HIVEP1: variants seen among roughly 807,000 people sequenced by gnomAD.
The protein encoded by HIVEP1 is HIVEP zinc finger 1.
Under a neutral mutation model 180.0 loss-of-function variants are expected in HIVEP1, and 36 were observed. The observed-to-expected ratio is 0.20, with a 90% CI of 0.15 to 0.26. The LOEUF is 0.26. HIVEP1 is among the 10% of genes least tolerant of loss of function. HIVEP1 has a pLI of 1.00. For missense variants in HIVEP1, 3,143 were observed against 3,268.7 expected (o/e 0.96, Z 0.94); for synonymous variants, 1,239 against 1,239.0 (o/e 1.00, Z 0.00).
chr6:12,046,319 T>A (rs554396297), intron 2 of HIVEP1, among the ~76,000 whole-genome samples: 1 of 152,376 alleles, frequency 6.6e-6, no homozygotes, highest in South Asian at 2.1e-4. Flanking sequence ...ACTGCATTTC[T>A]GGACCTGTTC....
At chr6:12,076,976 G>A (rs572416020) in intron 2 of HIVEP1, among the ~76,000 whole-genome samples, 7 of 152,212 alleles carry the variant, frequency 4.6e-5, no homozygotes, top group South Asian at 2.1e-4. Flanking sequence ...TAAGTTTTCC[G>A]TAGAGGTGGA....
chr6:12,138,117 A>G (rs1758804904), intron 7 of HIVEP1, among the ~76,000 whole-genome samples: 2 of 152,174 alleles, frequency 1.3e-5, no homozygotes, highest in African/African-American at 4.8e-5. Context: ...TTCAACGTAC[A>G]TGTATATATC....
intron 2 of HIVEP1, among the ~76,000 whole-genome samples, chr6:12,027,912 T>G (rs1013955296): frequency 6.6e-6 from 1 of 152,228 alleles, no homozygotes; most frequent in Non-Finnish European, 1.5e-5. Flanking sequence ...TTTGGGGTAG[T>G]GGGATGAGAG....
chr6:12,199,522 C>T, the HIVEP1 span, among the ~76,000 whole-genome samples: 10,772 of 151,976 alleles, frequency 0.071, 441 homozygotes, highest in Middle Eastern at 0.13. Flanking sequence ...CCACCATGCC[C>T]GGCTAATTTT....
intron 2 of HIVEP1, among the ~76,000 whole-genome samples, chr6:12,077,848 T>C (rs1356293937): frequency 6.6e-6 from 1 of 152,238 alleles, no homozygotes; most frequent in Admixed American, 6.5e-5. Flanking sequence ...GTTTCTTTTC[T>C]GCTACTCCCA....
At position 12,124,164 on chromosome 6, in the gene HIVEP1, C is replaced by T. The variant is rs768364031; in HGVS notation, c.4369C>T (p.Pro1457Ser). The T allele has an allele frequency of 6.2e-7, 1 of 1,614,016 alleles. No individual in the cohort carries two copies. The highest frequency in any genetic ancestry group is 8.5e-7 in the Non-Finnish European group (1 of 1,179,918). Reference protein sequence around the residue: ...HPTSFQNTALPSVNAVPYQGP... With the variant: ...HPTSFQNTALSSVNAVPYQGP... ...AACATCTTTCCAAAATACTGCTCTT[C>T]CCAGTGTGAATGCAGTGCCATATCA... Residue 1457 changes from proline to serine, a missense_variant, in exon 4 of 9, where the codon CCC becomes TCC. By Grantham distance (74) the Pro-to-Ser change is moderately conservative (BLOSUM62 -1). Transcript: ENST00000379388.
chr6:12,145,541 C>T (rs1312561107), intron 7 of HIVEP1, among the ~76,000 whole-genome samples: 1 of 150,972 alleles, frequency 6.6e-6, no homozygotes, highest in East Asian at 1.9e-4. Context: ...AAAGAACGCC[C>T]TCTACCAGAT....
At chr6:12,089,659 G>A (rs558803065) in intron 3 of HIVEP1, among the ~76,000 whole-genome samples, 24 of 151,908 alleles carry the variant, frequency 1.6e-4, no homozygotes, top group African/African-American at 5.6e-4. Flanking sequence ...CTGAATACCA[G>A]TCAGTGGAAG....
intron 2 of HIVEP1, chr6:12,039,048 A>G (rs978097534): frequency 3.3e-5 from 5 of 152,134 alleles, no homozygotes; most frequent in Non-Finnish European, 7.4e-5. Context: ...TGAACTAGCT[A>G]TGTCCTTAGC....
the HIVEP1 span, among the ~76,000 whole-genome samples, chr6:12,207,907 A>AAAG: frequency 3.9e-4 from 49 of 125,794 alleles, 1 homozygote; most frequent in Non-Finnish European, 6.0e-4. Context: ...CTGTCTCAAA[A>AAAG]AAAAAAAAAA....
intron 7 of HIVEP1, among the ~76,000 whole-genome samples, chr6:12,145,470 T>A (rs1433199193): frequency 1.3e-5 from 2 of 150,816 alleles, no homozygotes; most frequent in Non-Finnish European, 1.5e-5. Flanking sequence ...ATACCCTATG[T>A]AACAAACCTG....
At chr6:12,051,028 A>ATATATATATATG (rs1195272910) in intron 2 of HIVEP1, among the ~76,000 whole-genome samples, 2 of 136,146 alleles carry the variant, frequency 1.5e-5, no homozygotes, top group African/African-American at 6.1e-5. Context: ...ATATATATAT[A>ATATATATATATG]TATGTATATT....
intron 3 of HIVEP1, among the ~76,000 whole-genome samples, chr6:12,109,573 T>G (rs1240315500): frequency 6.6e-6 from 1 of 152,212 alleles, no homozygotes; most frequent in African/African-American, 2.4e-5. Flanking sequence ...CATCTCCTTA[T>G]CCATTCAAGC....
At position 12,123,036 on chromosome 6, in the gene HIVEP1, C is replaced by T; in HGVS notation, c.3241C>T (p.Gln1081Ter). 1 of 1,614,122 alleles carries T rather than the reference C, an allele frequency of 6.2e-7. No homozygotes were observed. Among genetic ancestry groups the T allele is most frequent in the Non-Finnish European group, 8.5e-7 (1 of 1,180,028 alleles). The change falls in exon 4 of 9, where the codon CAG (glutamine) becomes TAG (stop). Residue 1081 changes from glutamine to a stop codon, truncating the protein, a stop_gained. Transcript: ENST00000379388. LOFTEE classifies it high-confidence loss of function. ...PKHNVTIRSD[Q>*]QHKNIQLQNS... The stretch of plus-strand genomic sequence containing the variant: ...ACATAATGTTACCATAAGAAGTGAC[C>T]AGCAGCATAAAAATATACAGTTGCA...
chr6:12,085,322 C>T (rs577105250), intron 2 of HIVEP1, among the ~76,000 whole-genome samples: 78 of 152,054 alleles, frequency 5.1e-4, no homozygotes, highest in African/African-American at 1.8e-3. Flanking sequence ...GAGGCACCTT[C>T]AGGGAAGAGG....
At chr6:12,075,993 T>C (rs987622299) in intron 2 of HIVEP1, among the ~76,000 whole-genome samples, 4 of 152,236 alleles carry the variant, frequency 2.6e-5, no homozygotes, top group African/African-American at 9.6e-5. Context: ...TCCACCTGTT[T>C]TATAAGTTGA....
intron 7 of HIVEP1, among the ~76,000 whole-genome samples, chr6:12,158,629 C>T (rs573727100): frequency 2.6e-4 from 39 of 152,140 alleles, no homozygotes; most frequent in Non-Finnish European, 5.3e-4. Flanking sequence ...GGTTTCTGGG[C>T]TGTGACCTTC....
At chr6:12,058,404 A>T (rs1011128801) in intron 2 of HIVEP1, among the ~76,000 whole-genome samples, 1 of 152,194 alleles carries the variant, frequency 6.6e-6, no homozygotes, top group Non-Finnish European at 1.5e-5. Context: ...TCCACTCCCA[A>T]GTTGGCTGGC....
intron 2 of HIVEP1, among the ~76,000 whole-genome samples, chr6:12,040,491 C>A (rs1223359780): frequency 6.6e-6 from 1 of 152,038 alleles, no homozygotes; most frequent in Non-Finnish European, 1.5e-5. Context: ...GGCTGTACTA[C>A]TGTTTTGTTT....
Sources: gnomAD v4.1 joint callset for allele counts (sites outside exome capture counted in the v4.1 genomes callset) on GRCh38, gnomAD v4.1.1 for gene constraint, MANE v1.5 for transcripts, NCBI Gene and HGNC (gene_info 2026-07-23, HGNC 2026-07-21) for gene names.